The following PCDH15 variants were observed in gnomAD, a reference collection of about 807,000 sequenced individuals.
PCDH15 encodes the protein protocadherin related 15.
In PCDH15, 129 loss-of-function variants were observed where a neutral mutation model predicts 178.5. The observed-to-expected ratio is 0.72, with a 90% CI of 0.63 to 0.84. PCDH15 has a LOEUF of 0.84. Among genes scored for constraint, PCDH15 ranks in the 40% least tolerant of loss-of-function variants. PCDH15 has a pLI of 0.00. For synonymous variants in PCDH15, 800 were observed against 732.0 expected, an observed-to-expected ratio of 1.09 and a Z score of -1.50; for missense variants, 2,230 against 2,099.9, an observed-to-expected ratio of 1.06 and a Z score of -1.21.
At chr10:55,166,423 A>G (rs955817688) in intron 2 of PCDH15, among the ~76,000 whole-genome samples, 1 of 152,178 alleles carries the variant, frequency 6.6e-6, no homozygotes, top group Non-Finnish European at 1.5e-5. Context: ...TGTGAATCCA[A>G]CATAACATAT....
chr10:55,371,077 T>G (rs1845497096), intron 2 of PCDH15, among the ~76,000 whole-genome samples: 1 of 152,102 alleles, frequency 6.6e-6, no homozygotes, highest in African/African-American at 2.4e-5. Context: ...TTAGCATGGT[T>G]TCAAATTTCA....
rs754782972 is a variant in PCDH15, at chr10:53,807,362, G to GCAGA, written c.4672-236_4672-233dup. Among the ~76,000 whole-genome samples, 171 of 152,210 alleles carry GCAGA rather than the reference G, an allele frequency of 1.1e-3. 1 individual carries two copies. The highest frequency in any genetic ancestry group is 1.5e-3 in the Non-Finnish European group (101 of 68,008). The stretch of plus-strand genomic sequence containing the variant: ...GAAAAATGTATTGTTGAGTTGGAAA[G>GCAGA]CAGACATTTCAGGAAACACATGTAT... On this transcript the variant is annotated intron_variant, in intron 37 of 37. Coordinates refer to ENST00000644397, the MANE Select transcript of PCDH15 (RefSeq NM_001384140.1).
chr10:54,901,952 ATATT>A (rs974519341), intron 2 of PCDH15, among the ~76,000 whole-genome samples: 18 of 150,842 alleles, frequency 1.2e-4, no homozygotes, highest in African/African-American at 4.4e-4. Context: ...TTCTATATAT[ATATT>A]TATTAAGCAA....
intron 3 of PCDH15, among the ~76,000 whole-genome samples, chr10:54,492,859 C>A (rs796401315): frequency 2.6e-5 from 4 of 152,090 alleles, no homozygotes; most frequent in African/African-American, 9.7e-5. Flanking sequence ...AAAGACATAC[C>A]TGAGACTGGG....
chr10:53,971,776 AG>A (rs1179187747), intron 21 of PCDH15, among the ~76,000 whole-genome samples: 1 of 152,212 alleles, frequency 6.6e-6, no homozygotes, highest in Non-Finnish European at 1.5e-5. Flanking sequence ...CCACGGCTCA[AG>A]GAAATAAAAG....
chr10:54,040,410 AC>A (rs1297993874), intron 18 of PCDH15, among the ~76,000 whole-genome samples: 3 of 151,898 alleles, frequency 2.0e-5, no homozygotes, highest in African/African-American at 7.3e-5. Flanking sequence ...GCCATGTAAG[AC>A]GTGCCTTTTA....
intron 25 of PCDH15, among the ~76,000 whole-genome samples, chr10:53,916,617 T>G (rs1345006107): frequency 6.6e-6 from 1 of 152,214 alleles, no homozygotes; most frequent in East Asian, 1.9e-4. Flanking sequence ...ATTACAGGAC[T>G]ATAATGATCA....
At chr10:54,181,226 G>A (rs2047954505) in intron 13 of PCDH15, among the ~76,000 whole-genome samples, 1 of 152,042 alleles carries the variant, frequency 6.6e-6, no homozygotes. Context: ...GAAAAATGTA[G>A]CTCTCATGGT....
chr10:54,934,479 T>C (rs1008125610), intron 2 of PCDH15, among the ~76,000 whole-genome samples: 3 of 152,126 alleles, frequency 2.0e-5, no homozygotes, highest in Non-Finnish European at 2.9e-5. Context: ...AAAATCATTT[T>C]ATCCATCATC....
chr10:53,965,350 G>A (rs774754341), intron 21 of PCDH15, among the ~76,000 whole-genome samples: 2 of 152,046 alleles, frequency 1.3e-5, no homozygotes, highest in Non-Finnish European at 2.9e-5. Flanking sequence ...AAGCCACCGC[G>A]CCCAGCCCTA....
intron 2 of PCDH15, among the ~76,000 whole-genome samples, chr10:54,654,465 G>A (rs1357895542): frequency 6.6e-6 from 1 of 152,166 alleles, no homozygotes; most frequent in African/African-American, 2.4e-5. Context: ...CAATAATGCT[G>A]TTTGCTGAAA....
At chr10:55,187,519 C>T (rs748304021) in intron 1 of PCDH15, among the ~76,000 whole-genome samples, 8 of 151,816 alleles carry the variant, frequency 5.3e-5, no homozygotes, top group Non-Finnish European at 1.0e-4. Context: ...GCCAATACAA[C>T]TTTAGGGCTG....
At chr10:55,229,698 C>T (rs1052104213) in intron 1 of PCDH15, among the ~76,000 whole-genome samples, 2 of 151,848 alleles carry the variant, frequency 1.3e-5, no homozygotes, top group Admixed American at 6.6e-5. Flanking sequence ...TTGTATAGAC[C>T]AATCCAGTAA....
chr10:54,515,146 G>A (rs555957645), intron 3 of PCDH15, among the ~76,000 whole-genome samples: 68 of 152,308 alleles, frequency 4.5e-4, no homozygotes, highest in Middle Eastern at 3.4e-3. Context: ...TGGGTGCAGC[G>A]CACCGTGCAC....
At chr10:55,294,244 C>T (rs564530029) in intron 1 of PCDH15, among the ~76,000 whole-genome samples, 1 of 152,138 alleles carries the variant, frequency 6.6e-6, no homozygotes, top group Non-Finnish European at 1.5e-5. Context: ...AATTACCTCC[C>T]ACTGGCTCCT....
At chr10:54,529,162 G>A (rs1249657634) in intron 2 of PCDH15, among the ~76,000 whole-genome samples, 1 of 151,292 alleles carries the variant, frequency 6.6e-6, no homozygotes, top group Non-Finnish European at 1.5e-5. Context: ...GTATTGTAAG[G>A]TATGTACGCT....
intron 1 of PCDH15, among the ~76,000 whole-genome samples, chr10:54,741,006 T>C (rs891120715): frequency 6.6e-6 from 1 of 151,914 alleles, no homozygotes; most frequent in African/African-American, 2.4e-5. Context: ...TAAAAATGGC[T>C]AGAAGATTTG....
intron 2 of PCDH15, among the ~76,000 whole-genome samples, chr10:55,625,033 G>A (rs1037769364): frequency 1.3e-5 from 2 of 152,112 alleles, no homozygotes; most frequent in African/African-American, 2.4e-5. Context: ...ATTAAAAGGT[G>A]AGAATAAATT....
intron 18 of PCDH15, among the ~76,000 whole-genome samples, chr10:54,031,508 T>G (rs956060318): frequency 8.6e-5 from 13 of 151,252 alleles, no homozygotes; most frequent in Admixed American, 4.6e-4. Flanking sequence ...GTACAATGTA[T>G]GAGAAGTGGA....
Sources: allele counts gnomAD v4.1 joint callset (sites outside exome capture counted in the v4.1 genomes callset), GRCh38; gene constraint gnomAD v4.1.1; transcripts MANE v1.5; gene names NCBI Gene and HGNC (gene_info 2026-07-23, HGNC 2026-07-21).